The following OR1M1 variants were observed in gnomAD, a reference collection of about 807,000 sequenced individuals.
OR1M1 encodes the protein olfactory receptor family 1 subfamily M member 1, also known as olfactory receptor 1M1.
For missense variants in OR1M1, 397 were observed against 401.8 expected, an observed-to-expected ratio of 0.99 and a Z score of 0.10; for synonymous variants, 157 against 165.5, an observed-to-expected ratio of 0.95 and a Z score of 0.39.
intron 1 of OR1M1, among the ~76,000 whole-genome samples, chr19:9,088,604 G>A (rs776865933): frequency 9.9e-5 from 15 of 151,954 alleles, no homozygotes; most frequent in Admixed American, 2.6e-4. Flanking sequence ...ACTCTGACTC[G>A]GCCAGGCACG....
rs746273264 is a variant in OR1M1, at chr19:9,093,848, G to C, written c.604G>C (p.Val202Leu). 2 of 1,614,054 alleles carry C rather than the reference G, an allele frequency of 1.2e-6. No individual in the cohort carries two copies. The highest frequency in any genetic ancestry group is 2.2e-5 in the South Asian group (2 of 91,086). The change falls in exon 2 of 2, where the codon GTG becomes CTG. Residue 202 changes from valine to leucine, a missense_variant. Val to Leu is a conservative substitution (Grantham distance 32). Coordinates refer to ENST00000641627, the MANE Select transcript of OR1M1 (RefSeq NM_001004456.2). The stretch of plus-strand genomic sequence containing the variant: ...TGTGAATAGGATCTTCATCCTCATT[G>C]TGGCAGGGATGGTGATAGCCACGCC... ...TSVNRIFILI[V>L]AGMVIATPFV...
Position 9,093,344 on chromosome 19 carries a change from ATG to A in OR1M1, c.102_103del (p.Met34IlefsTer36), listed in dbSNP as rs752362289. On this transcript the variant is annotated frameshift_variant, in exon 2 of 2. Coordinates refer to ENST00000641627, the MANE Select transcript of OR1M1 (RefSeq NM_001004456.2). LOFTEE classifies it low-confidence loss of function (END_TRUNC). The part of the protein sequence containing the change: ...ETLLFSLFFC[M>X]YLVMVVGNLL... ...GCTTCTCTTTTCCCTGTTCTTCTGC[ATG>A]TACCTGGTCATGGTCGTGGGGAACC... is the stretch of plus-strand genomic sequence containing the variant. The A allele has an allele frequency of 5.0e-6, 8 of 1,613,722 alleles. No individual in the cohort carries two copies. Among genetic ancestry groups the A allele is most frequent in the African/African-American group, 1.3e-5 (1 of 74,826 alleles).
Position 9,094,148 on chromosome 19 carries a change from A to C in OR1M1, c.904A>C (p.Arg302=), listed in dbSNP as rs1263123681. 4 of 1,612,014 alleles carry C rather than the reference A, an allele frequency of 2.5e-6. No individual in the cohort carries two copies. Among genetic ancestry groups the C allele is most frequent in the Admixed American group, 1.7e-5 (1 of 59,968 alleles). The change falls in exon 2 of 2, where the codon AGG becomes CGG. Residue 302 remains arginine (R), a synonymous_variant. Transcript: ENST00000641627. The stretch of plus-strand genomic sequence containing the variant: ...GAACAGAGACCTGAAAGGGGCTCTC[A>C]GGAAGCTGGTCAACAGAAAGATCAC... ...LRNRDLKGAL[R]KLVNRKITSS... is the part of the protein sequence containing the mutation.
At chr19:9,089,341 A>G (rs2569402) in intron 1 of OR1M1, among the ~76,000 whole-genome samples, 102,914 of 151,530 alleles carry the variant, frequency 0.68, 35,122 homozygotes, top group East Asian at 0.8. Flanking sequence ...ATATGCTCCA[A>G]TTCTTTCCAT....
At chr19:9,093,107 C>T (rs1051623554) in intron 1 of OR1M1, 125 bp from the exon 2 acceptor site, 61 of 556,866 alleles carry the variant, frequency 1.1e-4, no homozygotes, top group East Asian at 3.1e-4. Context: ...CACACACACA[C>T]ACATATATAT....
At chr19:9,089,773 G>T (rs370743160) in intron 1 of OR1M1, among the ~76,000 whole-genome samples, 1 of 152,024 alleles carries the variant, frequency 6.6e-6, no homozygotes, top group African/African-American at 2.4e-5. Flanking sequence ...AACAGTTTTC[G>T]GAGTGCTCTT....
In OR1M1 at chr19:9,093,511, C is replaced by T; in HGVS notation, c.267C>T (p.Ser89=). The part of the protein sequence containing the change: ...PKMLVSLQTG[S]KAISYPCCLI... The stretch of plus-strand genomic sequence containing the variant: ...TGCTGGTGAGCCTTCAAACCGGGAG[C>T]AAGGCCATCTCTTATCCCTGCTGCC... Residue 89 remains serine, a synonymous_variant, in exon 2 of 2, where the codon AGC becomes AGT. Coordinates refer to ENST00000641627, the MANE Select transcript of OR1M1 (RefSeq NM_001004456.2). The T allele has an allele frequency of 2.5e-6, 4 of 1,614,152 alleles. No individual in the cohort carries two copies. Among genetic ancestry groups the T allele is most frequent in the Non-Finnish European group, 3.4e-6 (4 of 1,180,028 alleles).
chr19:9,093,109 C>CACACACACACACAAAT, intron 1 of OR1M1, 123 bp from the exon 2 acceptor site: 1 of 490,334 alleles, frequency 2.0e-6, no homozygotes. Context: ...CACACACACA[C>CACACACACACACAAAT]ATATATATAT....
In OR1M1 at chr19:9,094,077, ACACAGCAGT is replaced by A. The variant is rs1310889930; in HGVS notation, c.837_845del (p.Ala280_Thr282del). On this transcript the variant is annotated inframe_deletion, in exon 2 of 2. Coordinates refer to ENST00000641627, the MANE Select transcript of OR1M1 (RefSeq NM_001004456.2). ...AAGGAGAAAGCTTCTGCGGTGATGT[ACACAGCAGT>A]CACCCCCATGCTGAATCCCTTCATC... The A allele has an allele frequency of 6.2e-7, 1 of 1,612,990 alleles. No homozygotes were observed. Among genetic ancestry groups the A allele is most frequent in the Non-Finnish European group, 8.5e-7 (1 of 1,179,202 alleles).
intron 1 of OR1M1, among the ~76,000 whole-genome samples, chr19:9,089,581 G>A (rs935096413): frequency 4.0e-5 from 6 of 151,774 alleles, no homozygotes; most frequent in Non-Finnish European, 7.4e-5. Context: ...CCACCACTAC[G>A]CCCGGATAAT....
At chr19:9,091,859 G>A (rs937103874) in intron 1 of OR1M1, among the ~76,000 whole-genome samples, 1 of 151,954 alleles carries the variant, frequency 6.6e-6, no homozygotes, top group Admixed American at 6.6e-5. Flanking sequence ...TGTTGAGTTT[G>A]CCATGTCAGG....
At chr19:9,088,585 T>C (rs1006395253) in intron 1 of OR1M1, among the ~76,000 whole-genome samples, 1 of 152,060 alleles carries the variant, frequency 6.6e-6, no homozygotes, top group Non-Finnish European at 1.5e-5. Flanking sequence ...TTCCTTGAGA[T>C]GGAAAAATAC....
intron 1 of OR1M1, among the ~76,000 whole-genome samples, chr19:9,089,467 C>T (rs1395563777): frequency 2.0e-5 from 3 of 148,938 alleles, no homozygotes; most frequent in African/African-American, 7.4e-5. Context: ...CTTGTCACCC[C>T]GGCTGGAGTG....
intron 1 of OR1M1, among the ~76,000 whole-genome samples, chr19:9,091,473 G>T (rs2050292673): frequency 6.6e-6 from 1 of 151,996 alleles, no homozygotes; most frequent in Non-Finnish European, 1.5e-5. Context: ...CAGATACTCA[G>T]CTGGGTTAAA....
chr19:9,094,184 T>G lies in OR1M1; in HGVS notation c.940T>G (p.Ter314GlyextTer20). ...LVNRKITSSS* is the reference protein window; with the variant it reads ...LVNRKITSSSG Reference sequence around the variant, plus strand: ...CAACAGAAAGATCACCTCATCTTCCTGACCACCAGGACTCAGGAACTTCTG... The same window carrying G: ...CAACAGAAAGATCACCTCATCTTCCGGACCACCAGGACTCAGGAACTTCTG... The change falls in exon 2 of 2, where the codon TGA (stop) becomes GGA (glycine). Residue 314 changes from the stop codon to glycine (G), a stop_lost. Transcript: ENST00000641627. The G allele has an allele frequency of 6.3e-7, 1 of 1,599,842 alleles. No homozygotes were observed.
At chr19:9,091,712 C>T (rs1261857680) in intron 1 of OR1M1, among the ~76,000 whole-genome samples, 1 of 151,728 alleles carries the variant, frequency 6.6e-6, no homozygotes, top group African/African-American at 2.4e-5. Flanking sequence ...GGATGTAACA[C>T]TCATTGATGG....
intron 1 of OR1M1, among the ~76,000 whole-genome samples, chr19:9,087,838 C>A (rs2050272513): frequency 6.6e-6 from 1 of 152,122 alleles, no homozygotes; most frequent in South Asian, 2.1e-4. Flanking sequence ...AGTTGTGATG[C>A]TACCAGTCCT....
rs1017299849 is a variant in OR1M1, at chr19:9,093,530, T to C, written c.286T>C (p.Cys96Arg). The C allele has an allele frequency of 6.2e-7, 1 of 1,614,188 alleles. No individual in the cohort carries two copies. The highest frequency in any genetic ancestry group is 2.2e-5 in the East Asian group (1 of 44,868). ...CGGGAGCAAGGCCATCTCTTATCCC[T>C]GCTGCCTGATCCAGATGTACTTCTT... is the stretch of plus-strand genomic sequence containing the variant. Reference protein sequence around the residue: ...QTGSKAISYPCCLIQMYFFHF... With the variant: ...QTGSKAISYPRCLIQMYFFHF... The change falls in exon 2 of 2, where the codon TGC becomes CGC. Residue 96 changes from cysteine to arginine, a missense_variant. Coordinates refer to ENST00000641627, the MANE Select transcript of OR1M1 (RefSeq NM_001004456.2).
rs1178913939 is a variant in OR1M1 at position 9,094,481 on chromosome 19, T to G, written c.*295T>G. 7.8e-6 allele frequency: 2 copies of G among 257,132 alleles called. No individual in the cohort carries two copies. Among genetic ancestry groups the G allele is most frequent in the Non-Finnish European group, 1.5e-5 (2 of 135,408 alleles). The allele number at this position is 257,132 out of a possible 1,614,324, so 15.9% of individuals were successfully genotyped here. The stretch of plus-strand genomic sequence containing the variant: ...CTCAAGCAGTACTTCCCCCTCAGCC[T>G]CCTAACATCCTAGGATTACAGGTGT... On this transcript the variant is annotated 3_prime_UTR_variant, in exon 2 of 2. Transcript: ENST00000641627.
Sources: gnomAD v4.1 joint callset for allele counts (sites outside exome capture counted in the v4.1 genomes callset) on GRCh38, gnomAD v4.1.1 for gene constraint, MANE v1.5 for transcripts, NCBI Gene and HGNC (gene_info 2026-07-23, HGNC 2026-07-21) for gene names.